Variants in SLC35D4 observed in about 807,000 individuals in gnomAD.
SLC35D4 encodes the protein solute carrier family 35 member D4.
the SLC35D4 span, among the ~76,000 whole-genome samples, chr18:23,245,901 C>G: frequency 6.6e-6 from 1 of 152,242 alleles, no homozygotes; most frequent in Non-Finnish European, 1.5e-5. Flanking sequence ...CATCACACAG[C>G]CTGGGCCTGC....
the SLC35D4 span, among the ~76,000 whole-genome samples, chr18:23,355,591 T>TC: frequency 6.2e-3 from 570 of 92,148 alleles, 5 homozygotes; most frequent in African/African-American, 0.023. Context: ...ACTCTGTAAT[T>TC]CTTTTTTTTT....
At chr18:23,304,959 T>C in the SLC35D4 span, among the ~76,000 whole-genome samples, 1 of 152,250 alleles carries the variant, frequency 6.6e-6, no homozygotes, top group Non-Finnish European at 1.5e-5. Context: ...AGTTACTATC[T>C]GATCCATCCA....
chr18:23,314,868 C>T, the SLC35D4 span, among the ~76,000 whole-genome samples: 1 of 152,192 alleles, frequency 6.6e-6, no homozygotes, highest in East Asian at 1.9e-4. Flanking sequence ...AGGTGTCAGC[C>T]GCAGGGCTTT....
chr18:23,239,107 T>C, the SLC35D4 span, among the ~76,000 whole-genome samples: 1 of 152,250 alleles, frequency 6.6e-6, no homozygotes, highest in African/African-American at 2.4e-5. Flanking sequence ...AATGATTTCA[T>C]TGTGAGCCTT....
chr18:23,239,502 T>C, the SLC35D4 span, among the ~76,000 whole-genome samples: 1 of 152,254 alleles, frequency 6.6e-6, no homozygotes, highest in South Asian at 2.1e-4. Context: ...CCCTGGAGAC[T>C]TCTTTCCTAG....
At chr18:23,359,016 A>G in the SLC35D4 span, among the ~76,000 whole-genome samples, 29 of 152,312 alleles carry the variant, frequency 1.9e-4, no homozygotes, top group South Asian at 5.2e-3. Context: ...TCGATCCAGG[A>G]GTCTGCTGCA....
the SLC35D4 span, among the ~76,000 whole-genome samples, chr18:23,260,710 G>T: frequency 1.3e-5 from 2 of 152,048 alleles, no homozygotes; most frequent in Non-Finnish European, 2.9e-5. Context: ...GGGGATTTTT[G>T]GGGTTGGGGA....
chr18:23,363,519 C>T, the SLC35D4 span, among the ~76,000 whole-genome samples: 2 of 151,376 alleles, frequency 1.3e-5, no homozygotes, highest in African/African-American at 2.4e-5. Flanking sequence ...GGACTACAGG[C>T]GCCCGCCACC....
the SLC35D4 span, among the ~76,000 whole-genome samples, chr18:23,324,557 A>G: frequency 4.6e-5 from 7 of 152,350 alleles, no homozygotes; most frequent in Admixed American, 2.6e-4. Flanking sequence ...TAGAGAGGCA[A>G]CATGAAAGGC....
At chr18:23,245,372 G>C in the SLC35D4 span, among the ~76,000 whole-genome samples, 1 of 152,046 alleles carries the variant, frequency 6.6e-6, no homozygotes, top group Non-Finnish European at 1.5e-5. Flanking sequence ...ATAGCCAGGC[G>C]TGGTGGCGTG....
chr18:23,398,514 G>C, the SLC35D4 span, among the ~76,000 whole-genome samples: 1 of 152,176 alleles, frequency 6.6e-6, no homozygotes, highest in Non-Finnish European at 1.5e-5. Context: ...AAGCCTCGTG[G>C]TCTGAGCTGA....
the SLC35D4 span, among the ~76,000 whole-genome samples, chr18:23,342,214 G>A: frequency 1.3e-5 from 2 of 152,118 alleles, no homozygotes; most frequent in Non-Finnish European, 2.9e-5. Flanking sequence ...AACTTCCTTT[G>A]AGTCTATTCA....
the SLC35D4 span, among the ~76,000 whole-genome samples, chr18:23,418,761 A>T: frequency 1.3e-5 from 2 of 151,916 alleles, no homozygotes. Flanking sequence ...TAATCCCAGC[A>T]CTTTGGGAGG....
chr18:23,264,635 A>C, the SLC35D4 span, among the ~76,000 whole-genome samples: 2 of 152,048 alleles, frequency 1.3e-5, no homozygotes, highest in Non-Finnish European at 2.9e-5. Flanking sequence ...TGCTGGGATT[A>C]TAGGCATGAG....
chr18:23,247,543 G>A, the SLC35D4 span, among the ~76,000 whole-genome samples: 216 of 152,340 alleles, frequency 1.4e-3, 1 homozygote, highest in African/African-American at 4.7e-3. Flanking sequence ...AGCAGGACAC[G>A]GAACAGCCCC....
At chr18:23,351,798 G>A in the SLC35D4 span, among the ~76,000 whole-genome samples, 32 of 152,222 alleles carry the variant, frequency 2.1e-4, 1 homozygote, top group South Asian at 1.9e-3. Context: ...ATAGTCATTC[G>A]GATACACAGA....
chr18:23,429,784 T>C, the SLC35D4 span, among the ~76,000 whole-genome samples: 3 of 152,244 alleles, frequency 2.0e-5, no homozygotes, highest in African/African-American at 7.2e-5. Flanking sequence ...CTTTTTCATA[T>C]GTTGGCCACT....
At chr18:23,429,480 T>C in the SLC35D4 span, among the ~76,000 whole-genome samples, 1 of 152,120 alleles carries the variant, frequency 6.6e-6, no homozygotes, top group Non-Finnish European at 1.5e-5. Context: ...TTCAAGCCAT[T>C]CTCCTGCCTC....
the SLC35D4 span, among the ~76,000 whole-genome samples, chr18:23,389,798 C>A: frequency 2.6e-5 from 4 of 152,194 alleles, no homozygotes; most frequent in African/African-American, 9.7e-5. Context: ...CTCGGCCTCT[C>A]AAAGTGCTGT....
Sources: allele counts gnomAD v4.1 joint callset (sites outside exome capture counted in the v4.1 genomes callset), GRCh38; gene constraint gnomAD v4.1.1; transcripts MANE v1.5; gene names NCBI Gene and HGNC (gene_info 2026-07-23, HGNC 2026-07-21).